MEI1: variants seen among roughly 807,000 people sequenced by gnomAD.
MEI1 encodes the protein meiotic double-stranded break formation protein 1.
A neutral mutation model predicts 146.2 loss-of-function variants in MEI1; 103 were observed. The observed-to-expected ratio is 0.70, with a 90% CI of 0.60 to 0.83. The LOEUF is 0.83. Ranked by LOEUF, MEI1 falls within the 40% of genes least tolerant of loss-of-function variation. The pLI is 0.00. For missense variants in MEI1, 1,529 were observed against 1,533.0 expected, an observed-to-expected ratio of 1.00 and a Z score of 0.04; for synonymous variants, 652 against 628.2, an observed-to-expected ratio of 1.04 and a Z score of -0.57.
At chr22:41,700,354 G>C (rs544084352) in intron 1 of MEI1, among the ~76,000 whole-genome samples, 3 of 152,166 alleles carry the variant, frequency 2.0e-5, no homozygotes, top group Non-Finnish European at 4.4e-5. Context: ...GTTTCGAGAC[G>C]GAGTCTCGCT....
intron 26 of MEI1, among the ~76,000 whole-genome samples, chr22:41,785,407 C>G (rs950589171): frequency 6.8e-6 from 1 of 146,088 alleles, no homozygotes; most frequent in African/African-American, 2.5e-5. Flanking sequence ...GGACTACAGG[C>G]AGCCACCACC....
intron 7 of MEI1, among the ~76,000 whole-genome samples, chr22:41,726,027 C>G (rs1458918014): frequency 6.6e-6 from 1 of 152,150 alleles, no homozygotes; most frequent in Non-Finnish European, 1.5e-5. Context: ...TGCCTGTAAT[C>G]CCAGCACTTT....
At chr22:41,749,126 T>C (rs909731680) in intron 15 of MEI1, among the ~76,000 whole-genome samples, 13 of 152,076 alleles carry the variant, frequency 8.5e-5, no homozygotes, top group African/African-American at 3.1e-4. Flanking sequence ...CTCTGTGCTA[T>C]ATTTGGCTCT....
At chr22:41,745,197 G>C (rs778075956) in intron 13 of MEI1, 133 bp downstream of exon 13, 3 of 622,892 alleles carry the variant, frequency 4.8e-6, no homozygotes, top group Non-Finnish European at 7.7e-6. Context: ...ACTTTGGCTG[G>C]GGTAGGGGTT....
At chr22:41,705,935 T>A (rs2069060934) in intron 3 of MEI1, among the ~76,000 whole-genome samples, 1 of 152,084 alleles carries the variant, frequency 6.6e-6, no homozygotes, top group African/African-American at 2.4e-5. Flanking sequence ...CTCGAGCTCC[T>A]GACCTCAGGC....
intron 12 of MEI1, among the ~76,000 whole-genome samples, chr22:41,743,857 G>T (rs2147763946): frequency 6.6e-6 from 1 of 152,158 alleles, no homozygotes; most frequent in East Asian, 1.9e-4. Flanking sequence ...CTGTAGGTTA[G>T]GGTCCCTCCA....
At chr22:41,785,906 T>TATTTC (rs139547) in intron 26 of MEI1, among the ~76,000 whole-genome samples, 1 of 127,736 alleles carries the variant, frequency 7.8e-6, no homozygotes. Flanking sequence ...TTTTTTTATT[T>TATTTC]TTTATTTTAT....
chr22:41,705,056 A>G (rs2068984387), intron 2 of MEI1, among the ~76,000 whole-genome samples: 2 of 152,112 alleles, frequency 1.3e-5, no homozygotes, highest in Non-Finnish European at 2.9e-5. Flanking sequence ...TCGAAAGTCA[A>G]AGTATTTGGT....
At position 41,758,396 on chromosome 22, in the gene MEI1, T is replaced by TGG; in HGVS notation, c.1985_1986dup (p.Leu663GlyfsTer5). On this transcript the variant is annotated frameshift_variant, in exon 18 of 31. Coordinates refer to ENST00000401548, the MANE Select transcript of MEI1 (RefSeq NM_152513.4). LOFTEE classifies it high-confidence loss of function. ...CTGCAGTGTCTGAGCTCCTGCAGCA[T>TGG]GGGCTGCCCCAGATAAGCAGCAGGA... The TGG allele has an allele frequency of 6.2e-7, 1 of 1,613,866 alleles. No homozygotes were observed. Among genetic ancestry groups the TGG allele is most frequent in the Non-Finnish European group, 8.5e-7 (1 of 1,179,850 alleles).
intron 18 of MEI1, among the ~76,000 whole-genome samples, chr22:41,760,745 G>C (rs2074430169): frequency 6.6e-6 from 1 of 152,222 alleles, no homozygotes; most frequent in East Asian, 1.9e-4. Flanking sequence ...GAGCAAGCAA[G>C]GGGTACGTGG....
At chr22:41,710,483 A>G (rs2069452406) in intron 3 of MEI1, among the ~76,000 whole-genome samples, 1 of 152,224 alleles carries the variant, frequency 6.6e-6, no homozygotes, top group South Asian at 2.1e-4. Flanking sequence ...AATGTTGATC[A>G]CCGCATCAAA....
intron 17 of MEI1, among the ~76,000 whole-genome samples, chr22:41,757,160 T>C (rs2074148170): frequency 6.6e-6 from 1 of 152,256 alleles, no homozygotes. Flanking sequence ...AGTGACATGA[T>C]CTCGGCTCAC....
chr22:41,798,882 A>T (rs986505909), intron 30 of MEI1, among the ~76,000 whole-genome samples: 1 of 151,752 alleles, frequency 6.6e-6, no homozygotes, highest in Non-Finnish European at 1.5e-5. Context: ...GTCTCAAAAA[A>T]AAAAAAAAAA....
intron 19 of MEI1, among the ~76,000 whole-genome samples, chr22:41,764,618 G>C (rs953134579): frequency 1.1e-4 from 16 of 152,230 alleles, no homozygotes; most frequent in African/African-American, 3.9e-4. Flanking sequence ...CTATGAAATA[G>C]GTGAGAGGTT....
intron 26 of MEI1, among the ~76,000 whole-genome samples, chr22:41,792,243 T>C (rs2148237984): frequency 6.6e-6 from 1 of 152,334 alleles, no homozygotes; most frequent in South Asian, 2.1e-4. Flanking sequence ...TTGACACCTC[T>C]GGGCCAAAGC....
chr22:41,765,005 AG>A (rs1476889419), intron 19 of MEI1, among the ~76,000 whole-genome samples: 1 of 152,168 alleles, frequency 6.6e-6, no homozygotes, highest in African/African-American at 2.4e-5. Flanking sequence ...CAAAATGAAA[AG>A]TTCTAATAAT....
rs916626416 is a variant in MEI1 at position 41,752,576 on chromosome 22, C to T, written c.1793-15C>T. 1.6e-5 allele frequency: 25 copies of T among 1,588,716 alleles called. No individual in the cohort carries two copies. Among genetic ancestry groups the T allele is most frequent in the Non-Finnish European group, 1.0e-5 (12 of 1,167,180 alleles). On this transcript the variant is annotated splice_polypyrimidine_tract_variant and intron_variant, in intron 15 of 30. Transcript: ENST00000401548. ...GGTTTAAACTGCTCTCTGCTTTATT[C>T]CCACTTCTCTGAAGCTTCCTCATCC...
rs1047837275 is a variant in MEI1, at chr22:41,777,974, C to G, written c.2711-734C>G. ...TCTTCTTCCTCTTTTCCTCCTCTTT[C>G]CCCTCCTTCTCCCCTCCCTCCTCCT... is the stretch of plus-strand genomic sequence containing the variant. On this transcript the variant is annotated intron_variant, in intron 21 of 30. Coordinates refer to ENST00000401548, the MANE Select transcript of MEI1 (RefSeq NM_152513.4). 2.2e-4 allele frequency among the ~76,000 whole-genome samples: 33 copies of G among 151,248 alleles called. 1 individual carries two copies. Among genetic ancestry groups the G allele is most frequent in the African/African-American group, 7.8e-4 (32 of 41,164 alleles).
chr22:41,723,904 GT>G, intron 6 of MEI1, 38 bp from the exon 7 acceptor site: 1 of 1,563,636 alleles, frequency 6.4e-7, no homozygotes, highest in Non-Finnish European at 8.7e-7. Context: ...TGGTGCCTGT[GT>G]TCCTCTTGCC....
Sources: gnomAD v4.1 joint callset for allele counts (sites outside exome capture counted in the v4.1 genomes callset) on GRCh38, gnomAD v4.1.1 for gene constraint, MANE v1.5 for transcripts, NCBI Gene and HGNC (gene_info 2026-07-23, HGNC 2026-07-21) for gene names.